The following PIK3C2A variants were observed in gnomAD, a reference collection of about 807,000 sequenced individuals.
The protein encoded by PIK3C2A is phosphatidylinositol-4-phosphate 3-kinase catalytic subunit type 2 alpha.
In PIK3C2A, 97 loss-of-function variants were observed where a neutral mutation model predicts 204.5. The ratio of observed to expected loss-of-function variants is 0.47; its 90% CI spans 0.40 to 0.56. The LOEUF is 0.56. Ranked by LOEUF, PIK3C2A falls within the 20% of genes least tolerant of loss-of-function variation. The pLI is 0.00. For missense variants in PIK3C2A, 1,735 were observed against 1,969.2 expected, an observed-to-expected ratio of 0.88 and a Z score of 2.25; for synonymous variants, 653 against 664.4, an observed-to-expected ratio of 0.98 and a Z score of 0.26.
At chr11:17,176,179 T>A (rs1426703096) in intron 1 of PIK3C2A, among the ~76,000 whole-genome samples, 1 of 151,778 alleles carries the variant, frequency 6.6e-6, no homozygotes, top group African/African-American at 2.4e-5. Flanking sequence ...CATTTTTGTT[T>A]TTTTTTTAGT....
intron 20 of PIK3C2A, among the ~76,000 whole-genome samples, chr11:17,113,480 GC>G (rs1849065215): frequency 6.6e-6 from 1 of 151,936 alleles, no homozygotes; most frequent in Non-Finnish European, 1.5e-5. Context: ...AATTTTATTA[GC>G]AATGATCAAA....
chr11:17,139,054 C>T (rs539957891), intron 8 of PIK3C2A, among the ~76,000 whole-genome samples: 8 of 151,412 alleles, frequency 5.3e-5, no homozygotes, highest in African/African-American at 1.9e-4. Context: ...ATTACAGGTG[C>T]CTGCCACCAC....
At chr11:17,194,210 A>G (rs1852059700) in intron 1 of PIK3C2A, 1 of 417,934 alleles carries the variant, frequency 2.4e-6, no homozygotes, top group East Asian at 4.8e-5. Context: ...GCCAAACGAC[A>G]AGGACAAGGA....
In PIK3C2A at chr11:17,095,411, TAAAAAAAAAAAA is replaced by T. The variant is rs1225897360; in HGVS notation, c.4327-1038_4327-1027del. ...TAACATGGTGAAATCCTGTCTCTACTAAAAAAAAAAAAAAAAAAAAATACAAAAAATGAGCCG... is the reference window on the plus strand; with the variant it reads ...TAACATGGTGAAATCCTGTCTCTACTAAAAAAAAATACAAAAAATGAGCCG... On this transcript the variant is annotated intron_variant, in intron 27 of 32. Coordinates refer to ENST00000691414, the MANE Select transcript of PIK3C2A (RefSeq NM_002645.4). Among the ~76,000 whole-genome samples the T allele has an allele frequency of 2.7e-5, 3 of 110,178 alleles. No homozygotes were observed. In the East Asian group the frequency reaches 7.8e-4, roughly 29 times the overall value. The allele number at this position is 110,178 out of a possible 152,430, so 72.3% of individuals were successfully genotyped here.
intron 13 of PIK3C2A, among the ~76,000 whole-genome samples, chr11:17,128,591 A>C (rs750850429): frequency 6.6e-6 from 1 of 152,210 alleles, no homozygotes; most frequent in African/African-American, 2.4e-5. Context: ...GAATGCACCC[A>C]TGTGCTGAAT....
At chr11:17,205,810 G>T (rs1307335587) in intron 1 of PIK3C2A, among the ~76,000 whole-genome samples, 1 of 152,172 alleles carries the variant, frequency 6.6e-6, no homozygotes, top group Non-Finnish European at 1.5e-5. Context: ...AAACATGCCA[G>T]CTTTTGTATT....
chr11:17,164,112 A>C (rs1428353103), intron 2 of PIK3C2A, among the ~76,000 whole-genome samples: 2 of 152,114 alleles, frequency 1.3e-5, no homozygotes, highest in African/African-American at 2.4e-5. Flanking sequence ...AGATCCTGAA[A>C]ACTACAGTCT....
At chr11:17,146,678 A>C (rs536821961) in intron 6 of PIK3C2A, among the ~76,000 whole-genome samples, 215 of 152,050 alleles carry the variant, frequency 1.4e-3, no homozygotes, top group Non-Finnish European at 2.8e-3. Context: ...CTAAGATCAC[A>C]TCATTGCACT....
chr11:17,143,959 C>A (rs537028561), intron 8 of PIK3C2A, among the ~76,000 whole-genome samples: 52 of 151,656 alleles, frequency 3.4e-4, no homozygotes, highest in Admixed American at 6.6e-4. Context: ...ACAACAACAA[C>A]AAAAAATCCA....
At chr11:17,199,570 G>A (rs1322952699) in intron 1 of PIK3C2A, among the ~76,000 whole-genome samples, 2 of 152,202 alleles carry the variant, frequency 1.3e-5, no homozygotes, top group African/African-American at 2.4e-5. Flanking sequence ...TACGCTAAGT[G>A]ACATAAGTCA....
intron 1 of PIK3C2A, among the ~76,000 whole-genome samples, chr11:17,196,729 T>C (rs1852173285): frequency 6.6e-6 from 1 of 151,790 alleles, no homozygotes; most frequent in South Asian, 2.1e-4. Context: ...GCCACCACGC[T>C]TGACTAATTT....
rs186050332 is a variant in PIK3C2A, at chr11:17,102,125, T to C, written c.3851+537A>G. On this transcript the variant is annotated intron_variant, in intron 24 of 32. Transcript: ENST00000691414. ...TATCGCTAAGTAGATAAAAAAAATA[T>C]ATGTCCCTTAATTCATTTCAACAAA... Among the ~76,000 whole-genome samples the C allele has an allele frequency of 9.9e-5, 15 of 152,152 alleles. 1 individual carries two copies. The East Asian group carries it at 2.5e-3, about 26-fold the overall frequency.
chr11:17,107,834 C>G (rs941544066), intron 22 of PIK3C2A, among the ~76,000 whole-genome samples: 1 of 152,146 alleles, frequency 6.6e-6, no homozygotes, highest in African/African-American at 2.4e-5. Flanking sequence ...TTCTAGTAGT[C>G]TAGTTACATA....
chr11:17,115,116 G>A (rs533254159), intron 19 of PIK3C2A, among the ~76,000 whole-genome samples: 1 of 151,974 alleles, frequency 6.6e-6, no homozygotes, highest in East Asian at 1.9e-4. Flanking sequence ...ATGGATACAC[G>A]GTTCCTAAAA....
chr11:17,199,434 TA>T (rs1852285364), intron 1 of PIK3C2A, among the ~76,000 whole-genome samples: 1 of 152,204 alleles, frequency 6.6e-6, no homozygotes, highest in Non-Finnish European at 1.5e-5. Context: ...GCATTGTTTA[TA>T]ATAGCCAAAA....
At chr11:17,176,467 T>C (rs1332638852) in intron 1 of PIK3C2A, among the ~76,000 whole-genome samples, 5 of 151,318 alleles carry the variant, frequency 3.3e-5, no homozygotes, top group African/African-American at 7.3e-5. Flanking sequence ...AATAAATATA[T>C]AAATTTTAAA....
chr11:17,118,362 C>T (rs1849270529), intron 18 of PIK3C2A, among the ~76,000 whole-genome samples: 1 of 152,184 alleles, frequency 6.6e-6, no homozygotes, highest in South Asian at 2.1e-4. Context: ...CATGAGCCAC[C>T]ACGCTTGGCC....
intron 1 of PIK3C2A, among the ~76,000 whole-genome samples, chr11:17,202,573 CAA>C (rs201496259): frequency 1.4e-5 from 2 of 139,198 alleles, no homozygotes; most frequent in Admixed American, 7.2e-5. Context: ...GAACCTCCCT[CAA>C]AAAAAAAAAA....
intron 2 of PIK3C2A, 48 bp downstream of exon 2, chr11:17,168,629 A>G (rs1445618141): frequency 8.3e-7 from 1 of 1,208,730 alleles, no homozygotes; most frequent in Non-Finnish European, 1.2e-6. Flanking sequence ...CACAAATATG[A>G]ACTCTGTGTT....
Sources: allele counts gnomAD v4.1 joint callset (sites outside exome capture counted in the v4.1 genomes callset), GRCh38; gene constraint gnomAD v4.1.1; transcripts MANE v1.5; gene names NCBI Gene and HGNC (gene_info 2026-07-23, HGNC 2026-07-21).